The following PALLD variants were observed in gnomAD, a reference collection of about 807,000 sequenced individuals.
PALLD encodes the protein palladin, cytoskeletal associated protein.
In PALLD, 61 loss-of-function variants were observed where a neutral mutation model predicts 123.5. That is an observed-to-expected ratio of 0.49 (90% CI 0.40 to 0.61). PALLD has a LOEUF of 0.61. Ranked by LOEUF, PALLD falls within the 20% of genes least tolerant of loss-of-function variation. The pLI, the probability that PALLD is intolerant of heterozygous loss-of-function variation, is 0.00. For missense variants in PALLD, 1,273 were observed against 1,377.0 expected, an observed-to-expected ratio of 0.92 and a Z score of 1.20; for synonymous variants, 465 against 496.4, an observed-to-expected ratio of 0.94 and a Z score of 0.84.
At chr4:168,553,862 G>C (rs1214889078) in intron 2 of PALLD, among the ~76,000 whole-genome samples, 2 of 152,128 alleles carry the variant, frequency 1.3e-5, no homozygotes, top group African/African-American at 4.8e-5. Flanking sequence ...CCATTCAATG[G>C]AGAGGGCTTC....
intron 8 of PALLD, among the ~76,000 whole-genome samples, chr4:168,693,889 A>C (rs79020319): frequency 6.6e-6 from 1 of 151,398 alleles, no homozygotes; most frequent in Non-Finnish European, 1.5e-5. Context: ...AACAAAAAAA[A>C]CCCTTAAACA....
chr4:168,918,325 G>GATTAT (rs1553981958), intron 17 of PALLD, among the ~76,000 whole-genome samples: 3 of 149,460 alleles, frequency 2.0e-5, no homozygotes, highest in Non-Finnish European at 4.5e-5. Context: ...GAAAATATGA[G>GATTAT]ATATATATAT....
chr4:168,526,233 C>G (rs1365188616), intron 2 of PALLD, among the ~76,000 whole-genome samples: 2 of 152,108 alleles, frequency 1.3e-5, no homozygotes, highest in Admixed American at 1.3e-4. Flanking sequence ...GTTTCTTGAC[C>G]CTTCATGGGG....
chr4:168,543,884 T>C lies in PALLD; in HGVS notation c.908+31472T>C, dbSNP rs914744838. On this transcript the variant is annotated intron_variant, in intron 2 of 21. Coordinates refer to ENST00000505667, the MANE Select transcript of PALLD (RefSeq NM_001166108.2). Reference sequence around the variant, plus strand: ...CCCAAAGGAAGAGATCCTTCTAGTTTTGCTCACTCATTAAAAATGTGTTGA... The same window carrying C: ...CCCAAAGGAAGAGATCCTTCTAGTTCTGCTCACTCATTAAAAATGTGTTGA... Among the ~76,000 whole-genome samples, 8 of 152,224 alleles carry C rather than the reference T, an allele frequency of 5.3e-5. No individual in the cohort carries two copies. In the East Asian group the frequency reaches 1.2e-3, roughly 22 times the overall value.
intron 6 of PALLD, among the ~76,000 whole-genome samples, chr4:168,688,410 G>A (rs1033209278): frequency 3.9e-5 from 6 of 152,182 alleles, no homozygotes; most frequent in Admixed American, 3.3e-4. Context: ...TAGCATGGAC[G>A]TACATGTGAC....
chr4:168,615,394 T>A (rs1774128889), intron 2 of PALLD, among the ~76,000 whole-genome samples: 1 of 152,176 alleles, frequency 6.6e-6, no homozygotes, highest in Non-Finnish European at 1.5e-5. Flanking sequence ...ACTTTGGTAA[T>A]CATGAAGACA....
chr4:168,708,944 T>A (rs932923049), intron 8 of PALLD, 84 bp from the exon 9 acceptor site: 14 of 1,164,860 alleles, frequency 1.2e-5, no homozygotes, highest in Middle Eastern at 2.0e-4. Context: ...AATTTGTTTG[T>A]TGTGGAAAGG....
At chr4:168,566,312 A>G (rs189334530) in intron 2 of PALLD, among the ~76,000 whole-genome samples, 1 of 151,972 alleles carries the variant, frequency 6.6e-6, no homozygotes, top group Non-Finnish European at 1.5e-5. Flanking sequence ...TTTATTTTTA[A>G]TTTTGAGACA....
chr4:168,691,174 C>G, intron 7 of PALLD, 95 bp from the exon 8 acceptor site: 1 of 841,030 alleles, frequency 1.2e-6, no homozygotes, highest in Non-Finnish European at 2.1e-6. Flanking sequence ...ATGTCCTAGA[C>G]AAGGTAATGG....
In PALLD at chr4:168,737,814, C is replaced by T. The variant is rs539260393; in HGVS notation, c.1964+25891C>T. Among the ~76,000 whole-genome samples the T allele has an allele frequency of 5.3e-5, 8 of 152,302 alleles. No individual in the cohort carries two copies. In the East Asian group the frequency reaches 1.5e-3, roughly 29 times the overall value. On this transcript the variant is annotated intron_variant, in intron 10 of 21. Transcript: ENST00000505667. Reference sequence around the variant, plus strand: ...CCATACCTCTAACCCTTCCAAAGGGCGTAGCTTAGTAGTTTAGTAGTTTCG... The same window carrying T: ...CCATACCTCTAACCCTTCCAAAGGGTGTAGCTTAGTAGTTTAGTAGTTTCG...
chr4:168,655,529 C>T (rs1326052471), intron 2 of PALLD, among the ~76,000 whole-genome samples: 7 of 152,208 alleles, frequency 4.6e-5, no homozygotes, highest in African/African-American at 7.2e-5. Flanking sequence ...GTCCTCCTTG[C>T]CCTGAGCAAT....
intron 10 of PALLD, among the ~76,000 whole-genome samples, chr4:168,797,350 G>A (rs577158682): frequency 4.0e-4 from 60 of 151,752 alleles, no homozygotes; most frequent in Non-Finnish European, 7.5e-4. Context: ...TCATCCAAAA[G>A]TTGAGTATAT....
chr4:168,840,736 G>A (rs918832703), intron 10 of PALLD, among the ~76,000 whole-genome samples: 1 of 152,158 alleles, frequency 6.6e-6, no homozygotes, highest in East Asian at 1.9e-4. Flanking sequence ...TATGTGAAAG[G>A]CAGTGCTATA....
In PALLD at chr4:168,542,047, G is replaced by T. The variant is rs1362427596; in HGVS notation, c.908+29635G>T. Among the ~76,000 whole-genome samples the T allele has an allele frequency of 3.3e-5, 5 of 152,292 alleles. No homozygotes were observed. The South Asian group carries it at 1.0e-3, about 32-fold the overall frequency. ...TATCACTATGTGCTCAAATTCGTAT[G>T]TGTATGTTTCCCAAACTGGTCTCAT... On this transcript the variant is annotated intron_variant, in intron 2 of 21. Coordinates refer to ENST00000505667, the MANE Select transcript of PALLD (RefSeq NM_001166108.2).
chr4:168,847,816 GTTATACTC>G (rs1747102189), intron 10 of PALLD, among the ~76,000 whole-genome samples: 1 of 151,800 alleles, frequency 6.6e-6, no homozygotes, highest in Non-Finnish European at 1.5e-5. Flanking sequence ...AAACAATCCA[GTTATACTC>G]TTATACTTTC....
intron 10 of PALLD, among the ~76,000 whole-genome samples, chr4:168,769,947 A>G (rs952507682): frequency 2.0e-5 from 3 of 152,234 alleles, no homozygotes; most frequent in Non-Finnish European, 4.4e-5. Flanking sequence ...ATTTCCTTCT[A>G]TGTGCAGAGC....
chr4:168,784,057 C>G (rs1736325103), intron 10 of PALLD, among the ~76,000 whole-genome samples: 1 of 151,892 alleles, frequency 6.6e-6, no homozygotes, highest in Non-Finnish European at 1.5e-5. Flanking sequence ...CCAGCCTGGC[C>G]AACAATAATG....
At chr4:168,721,205 C>T (rs1273423269) in intron 10 of PALLD, among the ~76,000 whole-genome samples, 1 of 152,144 alleles carries the variant, frequency 6.6e-6, no homozygotes, top group Non-Finnish European at 1.5e-5. Flanking sequence ...TTCAACATAT[C>T]TTCATTTTAC....
At chr4:168,854,905 G>A (rs1410097354) in intron 10 of PALLD, among the ~76,000 whole-genome samples, 4 of 152,124 alleles carry the variant, frequency 2.6e-5, no homozygotes, top group East Asian at 1.9e-4. Flanking sequence ...AATTGGGTCC[G>A]TCTGTGCTGA....
Sources: allele counts gnomAD v4.1 joint callset (sites outside exome capture counted in the v4.1 genomes callset), GRCh38; gene constraint gnomAD v4.1.1; transcripts MANE v1.5; gene names NCBI Gene and HGNC (gene_info 2026-07-23, HGNC 2026-07-21).